DPYSL2: variants seen among roughly 807,000 people sequenced by gnomAD.
The protein encoded by DPYSL2 is dihydropyrimidinase like 2.
DPYSL2 carries 13 observed loss-of-function variants against 69.9 expected under a neutral mutation model. That is an observed-to-expected ratio of 0.19 (90% CI 0.12 to 0.30). DPYSL2 has a LOEUF of 0.30. Among genes scored for constraint, DPYSL2 ranks in the 10% least tolerant of loss-of-function variants. The probability of loss-of-function intolerance (pLI) is 1.00; values close to 1 mark genes in which losing one functional copy is unlikely to be tolerated. For synonymous variants in DPYSL2, 326 were observed against 359.1 expected (o/e 0.91, Z 1.04); for missense variants, 587 against 918.9 (o/e 0.64, Z 4.67).
intron 1 of DPYSL2, among the ~76,000 whole-genome samples, chr8:26,574,109 T>C (rs1345281927): frequency 6.6e-6 from 1 of 152,146 alleles, no homozygotes; most frequent in Non-Finnish European, 1.5e-5. Context: ...GATGGTGTTA[T>C]AGCAGAGCTG....
chr8:26,591,087 G>A lies in DPYSL2; in HGVS notation c.628+7104G>A, dbSNP rs377056014. 4.7e-4 allele frequency among the ~76,000 whole-genome samples: 71 copies of A among 152,314 alleles called. No individual in the cohort carries two copies. The highest frequency in any genetic ancestry group is 3.4e-3 in the Middle Eastern group (1 of 294). ...CTGGAAATGAGCCTGACTCACTGGG[G>A]TGGTGATCTTCCACCCCTTCAGGTG... On this transcript the variant is annotated intron_variant, in intron 3 of 13. Transcript: ENST00000521913. This position sits in a 1 kb window ranked among gnomAD's most constrained non-coding sequence, Gnocchi z 5.8.
At chr8:26,575,541 C>T (rs1269157758) in intron 1 of DPYSL2, among the ~76,000 whole-genome samples, 1 of 152,104 alleles carries the variant, frequency 6.6e-6, no homozygotes, top group African/African-American at 2.4e-5. Flanking sequence ...AGGCTCTAGT[C>T]AGAACAGACA....
At chr8:26,611,642 G>T (rs762283013) in intron 3 of DPYSL2, among the ~76,000 whole-genome samples, 3 of 152,186 alleles carry the variant, frequency 2.0e-5, no homozygotes, top group Admixed American at 6.5e-5. Context: ...CTGAGCCAAG[G>T]ATTTCAACAT....
At position 26,626,635 on chromosome 8, in the gene DPYSL2, T is replaced by C; in HGVS notation, c.812T>C (p.Val271Ala). The change falls in exon 5 of 14, where the codon GTG (valine) becomes GCG (alanine). Residue 271 changes from valine to alanine, a missense_variant. Val to Ala is a moderately conservative substitution (Grantham distance 64). Coordinates refer to ENST00000521913, the MANE Select transcript of DPYSL2 (RefSeq NM_001197293.3). This position sits in a 1 kb window ranked among gnomAD's most constrained non-coding sequence, Gnocchi z 4.3. Reference protein sequence around the residue: ...VKDHGVNSFLVYMAFKDRFQL... With the variant: ...VKDHGVNSFLAYMAFKDRFQL... ...GCACTAGGGGTAAATTCCTTCCTCG[T>C]GTACATGGCTTTCAAAGATCGCTTC... 6.2e-7 allele frequency: 1 copy of C among 1,614,196 alleles called. No homozygotes were observed. The highest frequency in any genetic ancestry group is 8.5e-7 in the Non-Finnish European group (1 of 1,180,032).
chr8:26,521,393 G>A (rs1282116248), intron 1 of DPYSL2, among the ~76,000 whole-genome samples: 2 of 152,142 alleles, frequency 1.3e-5, no homozygotes, highest in South Asian at 2.1e-4. Flanking sequence ...GTGGTCATTG[G>A]GCTGTCCTAG....
intron 8 of DPYSL2, among the ~76,000 whole-genome samples, chr8:26,638,244 A>G (rs1802961761): frequency 6.6e-6 from 1 of 152,360 alleles, no homozygotes; most frequent in South Asian, 2.1e-4. Context: ...AGTCGGGGCT[A>G]CAAAAGGGGT....
chr8:26,578,321 G>C (rs1801406958), intron 1 of DPYSL2: 1 of 1,613,918 alleles, frequency 6.2e-7, no homozygotes, highest in African/African-American at 1.3e-5. Context: ...GAAATCTGCG[G>C]TCGGCCAGCC....
chr8:26,577,178 C>A (rs1801368078), intron 1 of DPYSL2: 1 of 446,216 alleles, frequency 2.2e-6, no homozygotes, highest in Non-Finnish European at 4.5e-6. Flanking sequence ...CAGCCCGGCG[C>A]CTCCACGCGG....
intron 1 of DPYSL2, among the ~76,000 whole-genome samples, chr8:26,579,721 C>G (rs1296515440): frequency 6.6e-6 from 1 of 152,090 alleles, no homozygotes; most frequent in Non-Finnish European, 1.5e-5. Flanking sequence ...GCAAAAGACC[C>G]AAGATCCCAA....
At chr8:26,576,350 A>G (rs965033313) in intron 1 of DPYSL2, among the ~76,000 whole-genome samples, 5 of 152,084 alleles carry the variant, frequency 3.3e-5, no homozygotes, top group African/African-American at 9.7e-5. Flanking sequence ...GGTGTGAGCC[A>G]ATTACATACT....
intron 1 of DPYSL2, among the ~76,000 whole-genome samples, chr8:26,520,707 T>C (rs1808371459): frequency 6.6e-6 from 1 of 152,222 alleles, no homozygotes; most frequent in Non-Finnish European, 1.5e-5. Flanking sequence ...TTGATGTAAA[T>C]CATTGTCTTA....
rs1326186262 is a variant in DPYSL2 at position 26,517,698 on chromosome 8, G to A, written c.354+3019G>A. Reference sequence around the variant, plus strand: ...GGACCATAAGAATGCTTTTCAAAGGGGCCTCTAGGCCCTTTTCCCAGCAGC... The same window carrying A: ...GGACCATAAGAATGCTTTTCAAAGGAGCCTCTAGGCCCTTTTCCCAGCAGC... On this transcript the variant is annotated intron_variant, in intron 1 of 13. Transcript: ENST00000521913. The surrounding 1 kb of genome is among the most constrained non-coding windows in gnomAD (Gnocchi z 4.2). 5.9e-5 allele frequency among the ~76,000 whole-genome samples: 9 copies of A among 152,274 alleles called. No homozygotes were observed. In the East Asian group the frequency reaches 1.4e-3, roughly 23 times the overall value.
chr8:26,649,376 C>T (rs1218206208), intron 11 of DPYSL2, among the ~76,000 whole-genome samples: 3 of 152,174 alleles, frequency 2.0e-5, no homozygotes, highest in Non-Finnish European at 4.4e-5. Context: ...ATTTAAGACA[C>T]AAATGACCTA....
chr8:26,544,411 T>C (rs1228980214), intron 1 of DPYSL2, among the ~76,000 whole-genome samples: 1 of 152,240 alleles, frequency 6.6e-6, no homozygotes, highest in Non-Finnish European at 1.5e-5. Context: ...ATATGAATTT[T>C]ACAAAAGGAT....
In DPYSL2 at chr8:26,641,543, G is replaced by T. The variant is rs549300486; in HGVS notation, c.1127-1896G>T. ...ATAAAGGTCTTTGGCAGCGGCCAAGGCCTTCTCATTATGTGGTGTTTTTCC... is the reference window on the plus strand; with the variant it reads ...ATAAAGGTCTTTGGCAGCGGCCAAGTCCTTCTCATTATGTGGTGTTTTTCC... On this transcript the variant is annotated intron_variant, in intron 8 of 13. Transcript: ENST00000521913. The surrounding 1 kb of genome is among the most constrained non-coding windows in gnomAD (Gnocchi z 4.1). Among the ~76,000 whole-genome samples, 1 of 152,240 alleles carries T rather than the reference G, an allele frequency of 6.6e-6. No individual in the cohort carries two copies. The highest frequency in any genetic ancestry group is 2.1e-4 in the South Asian group (1 of 4,834).
intron 1 of DPYSL2, among the ~76,000 whole-genome samples, chr8:26,532,124 C>T (rs1800518682): frequency 6.6e-6 from 1 of 151,926 alleles, no homozygotes; most frequent in African/African-American, 2.4e-5. Context: ...GGTGTGGTTC[C>T]CTGACAGGAA....
rs1393202496 is a variant in DPYSL2, at chr8:26,610,151, G to A, written c.629-13992G>A. ...TCGTGATGTTTCGTGGGATCTGCAA[G>A]AGCCTGTAGCGTCAGGTTTCTTTCC... On this transcript the variant is annotated intron_variant, in intron 3 of 13. Coordinates refer to ENST00000521913, the MANE Select transcript of DPYSL2 (RefSeq NM_001197293.3). The surrounding 1 kb of genome is among the most constrained non-coding windows in gnomAD (Gnocchi z 4.5). Among the ~76,000 whole-genome samples the A allele has an allele frequency of 6.6e-6, 1 of 152,232 alleles. No individual in the cohort carries two copies.
chr8:26,527,190 C>T (rs1457402050), intron 1 of DPYSL2, among the ~76,000 whole-genome samples: 1 of 152,164 alleles, frequency 6.6e-6, no homozygotes, highest in East Asian at 1.9e-4. Flanking sequence ...CAGGAGAATG[C>T]CCAACCCTGC....
At chr8:26,625,514 G>C (rs763239474) in intron 4 of DPYSL2, among the ~76,000 whole-genome samples, 3 of 152,146 alleles carry the variant, frequency 2.0e-5, no homozygotes, top group Non-Finnish European at 2.9e-5. Context: ...AAACTCCAAG[G>C]CTGCGAGGTT....
Sources: allele counts gnomAD v4.1 joint callset (sites outside exome capture counted in the v4.1 genomes callset), GRCh38; gene constraint gnomAD v4.1.1; non-coding constraint Gnocchi (gnomAD v3.1); transcripts MANE v1.5; gene names NCBI Gene and HGNC (gene_info 2026-07-23, HGNC 2026-07-21).